The following GNAT2 variants were observed in gnomAD, a reference collection of about 807,000 sequenced individuals.
GNAT2 encodes the protein guanine nucleotide-binding protein G(t) subunit alpha-2.
Under a neutral mutation model 40.9 loss-of-function variants are expected in GNAT2, and 32 were observed. That is an observed-to-expected ratio of 0.78 (90% CI 0.59 to 1.05). GNAT2 has a LOEUF of 1.05. Among genes scored for constraint, GNAT2 ranks in the 50% least tolerant of loss-of-function variants. The probability of loss-of-function intolerance (pLI) is 0.00; values close to 1 mark genes in which losing one functional copy is unlikely to be tolerated. For synonymous variants in GNAT2, 141 were observed against 157.2 expected, an observed-to-expected ratio of 0.90 and a Z score of 0.77; for missense variants, 355 against 431.5, an observed-to-expected ratio of 0.82 and a Z score of 1.57.
intron 2 of GNAT2, chr1:109,610,869 G>T: frequency 2.6e-6 from 1 of 379,472 alleles, no homozygotes; most frequent in Non-Finnish European, 5.0e-6. Context: ...TCTTCCTGTT[G>T]AAAACCACTA....
At chr1:109,611,112 G>A (rs1451598438) in intron 2 of GNAT2, 1 of 164,762 alleles carries the variant, frequency 6.1e-6, no homozygotes. Flanking sequence ...CCAGGCTCAA[G>A]TGATCCTCCC....
rs1230444459 is a variant in GNAT2, at chr1:109,609,368, C to G, written c.304-580G>C. Reference sequence around the variant, plus strand: ...GGGCTTGAGGACAGGCACGGTGGCTCACACCTGTAATCTCAACACTTTCGG... The same window carrying G: ...GGGCTTGAGGACAGGCACGGTGGCTGACACCTGTAATCTCAACACTTTCGG... On this transcript the variant is annotated intron_variant, in intron 4 of 8. Transcript: ENST00000679935. The G allele has an allele frequency of 1.7e-5, 3 of 176,744 alleles. No individual in the cohort carries two copies. The South Asian group carries it at 3.7e-4, about 22-fold the overall frequency. 10.9% of individuals were successfully genotyped at this position (176,744 alleles called of 1,614,324 possible).
intron 7 of GNAT2, chr1:109,605,378 C>T (rs1469497768): frequency 6.2e-6 from 1 of 161,298 alleles, no homozygotes; most frequent in Non-Finnish European, 1.4e-5. Flanking sequence ...AACACTTGTC[C>T]TATAGAACTC....
chr1:109,609,588 C>T (rs566909288), intron 4 of GNAT2: 1 of 287,150 alleles, frequency 3.5e-6, no homozygotes, highest in East Asian at 9.3e-5. Context: ...GCCATGATCA[C>T]ACCACTGCAT....
chr1:109,606,101 T>C lies in GNAT2; in HGVS notation c.591-2A>G. ...CTCTGCCCTCCCACATCAAACATCC[T>C]GAGGGAAGAAGCAGCTATTTTCATA... On this transcript the variant is annotated splice_acceptor_variant, in intron 6 of 8. Coordinates refer to ENST00000679935, the MANE Select transcript of GNAT2 (RefSeq NM_001377295.2). LOFTEE classifies it high-confidence loss of function. 2 of 1,614,072 alleles carry C rather than the reference T, an allele frequency of 1.2e-6. No individual in the cohort carries two copies. The highest frequency in any genetic ancestry group is 1.7e-6 in the Non-Finnish European group (2 of 1,179,946).
chr1:109,606,509 C>T, intron 5 of GNAT2, 73 bp from the exon 6 acceptor site: 2 of 1,255,782 alleles, frequency 1.6e-6, no homozygotes, highest in South Asian at 1.2e-5. Flanking sequence ...GGTATCTTAC[C>T]CAAAGTCACA....
intron 7 of GNAT2, chr1:109,604,722 G>T (rs1307119104): frequency 6.3e-6 from 1 of 157,698 alleles, no homozygotes; most frequent in Non-Finnish European, 1.4e-5. Context: ...TGCAGAGGCT[G>T]CCCATTGCCC....
At position 109,610,377 on chromosome 1, in the gene GNAT2, G is replaced by T. The variant is rs1405674332; in HGVS notation, c.161+88C>A. The T allele has an allele frequency of 6.6e-6, 9 of 1,365,608 alleles. No homozygotes were observed. The East Asian group carries it at 1.8e-4, about 28-fold the overall frequency. 84.6% of individuals were successfully genotyped at this position (1,365,608 alleles called of 1,614,324 possible). A position where few individuals can be genotyped will look rare whatever the true frequency, so the allele number is the denominator to read the frequency against. ...ATCCTTTATACCTGGGCTCCTTGAG[G>T]CTAAAGAGCCTTTCACTTTGAATAC... On this transcript the variant is annotated intron_variant, in intron 3 of 8. Coordinates refer to ENST00000679935, the MANE Select transcript of GNAT2 (RefSeq NM_001377295.2).
intron 2 of GNAT2, 54 bp from the exon 3 acceptor site, chr1:109,610,561 C>T (rs1260668911): frequency 1.3e-6 from 2 of 1,493,816 alleles, no homozygotes; most frequent in African/African-American, 2.8e-5. Context: ...CTCAGCCTTC[C>T]AGGAGATGGC....
chr1:109,609,659 C>T (rs946155429), intron 4 of GNAT2: 1 of 326,090 alleles, frequency 3.1e-6, no homozygotes, highest in Non-Finnish European at 6.0e-6. Flanking sequence ...ATGTTGCTTA[C>T]TTCTCCAGGA....
At chr1:109,610,227 G>C (rs369518336) in intron 3 of GNAT2, 46 bp from the exon 4 acceptor site, 86 of 1,598,214 alleles carry the variant, frequency 5.4e-5, no homozygotes, top group Non-Finnish European at 7.1e-5. Context: ...TGAGTAACCA[G>C]ACCTAAGGGA....
At chr1:109,606,662 G>A (rs1368694491) in intron 5 of GNAT2, 11 of 507,126 alleles carry the variant, frequency 2.2e-5, no homozygotes, top group South Asian at 8.1e-5. Context: ...GAGTTCCAGC[G>A]CATTTAAATC....
At chr1:109,609,944 T>C in intron 4 of GNAT2, 96 bp downstream of exon 4, 1 of 1,237,186 alleles carries the variant, frequency 8.1e-7, no homozygotes, top group Non-Finnish European at 1.2e-6. Flanking sequence ...ACTATTTTTC[T>C]TACCCATCTT....
chr1:109,603,349 G>C lies in GNAT2; in HGVS notation c.*5C>G, dbSNP rs1393105572. 6.6e-7 allele frequency: 1 copy of C among 1,526,284 alleles called. No individual in the cohort carries two copies. The highest frequency in any genetic ancestry group is 9.1e-7 in the Non-Finnish European group (1 of 1,100,912). The allele number at this position is 1,526,284 out of a possible 1,614,324, so 94.5% of individuals were successfully genotyped here. A position where few individuals can be genotyped will look rare whatever the true frequency, so the allele number is the denominator to read the frequency against. On this transcript the variant is annotated 3_prime_UTR_variant, in exon 9 of 9. Coordinates refer to ENST00000679935, the MANE Select transcript of GNAT2 (RefSeq NM_001377295.2). ...ATAGAACTTATACCTGAGGAATGGT[G>C]AGGATTAGAAGAGGCCGCAGTCCTT...
In GNAT2 at chr1:109,608,751, A is replaced by G. The variant is rs775374577; in HGVS notation, c.341T>C (p.Ile114Thr). ...GRQLNNLADS[I>T]EEGTMPPELV... ...CTCAGGAGGCATGGTTCCCTCCTCA[A>G]TGGAGTCAGCCAGGTTGTTGAGCTG... Residue 114 changes from isoleucine (I) to threonine (T), a missense_variant, in exon 5 of 9, where the codon ATT becomes ACT. Ile to Thr is a moderately conservative substitution (Grantham distance 89). Coordinates refer to ENST00000679935, the MANE Select transcript of GNAT2 (RefSeq NM_001377295.2). The G allele has an allele frequency of 3.0e-5, 48 of 1,613,360 alleles. No homozygotes were observed. Among genetic ancestry groups the G allele is most frequent in the Admixed American group, 1.2e-4 (7 of 59,982 alleles).
intron 2 of GNAT2, chr1:109,611,666 C>G (rs969711846): frequency 6.6e-6 from 1 of 152,122 alleles, no homozygotes; most frequent in African/African-American, 2.4e-5. Context: ...TCGAACTCCT[C>G]CTATTTCGCT....
intron 5 of GNAT2, chr1:109,607,504 AGG>A (rs1649648565): frequency 6.6e-6 from 1 of 151,358 alleles, no homozygotes; most frequent in East Asian, 1.9e-4. Context: ...GACTGAGAGG[AGG>A]AGGGAAGTAC....
intron 2 of GNAT2, 133 bp from the exon 3 acceptor site, chr1:109,610,640 G>A: frequency 1.3e-6 from 1 of 750,790 alleles, no homozygotes; most frequent in Non-Finnish European, 2.4e-6. Flanking sequence ...GATGACTGCT[G>A]CCCTCAATTT....
chr1:109,608,198 T>C, intron 5 of GNAT2: 1 of 285,058 alleles, frequency 3.5e-6, no homozygotes, highest in Non-Finnish European at 6.8e-6. Flanking sequence ...AGATCCTAGA[T>C]TACCAGATAG....
Sources: allele counts gnomAD v4.1 joint callset, GRCh38; gene constraint gnomAD v4.1.1; transcripts MANE v1.5; gene names NCBI Gene and HGNC (gene_info 2026-07-23, HGNC 2026-07-21).